SLC38A8: variants seen among roughly 807,000 people sequenced by gnomAD.
SLC38A8 encodes amino acid transporter SLC38A8.
SLC38A8 carries 65 observed loss-of-function variants against 46.0 expected under a neutral mutation model. The observed-to-expected ratio is 1.41, with a 90% CI of 1.16 to 1.74. The LOEUF (loss-of-function observed/expected upper bound fraction) is 1.74. Among genes scored for constraint, SLC38A8 ranks in the 40% most tolerant of loss-of-function variants. The pLI, the probability that SLC38A8 is intolerant of heterozygous loss-of-function variation, is 0.00. For synonymous variants in SLC38A8, 447 were observed against 243.7 expected, an observed-to-expected ratio of 1.83 and a Z score of -7.77; for missense variants, 998 against 567.9, an observed-to-expected ratio of 1.76 and a Z score of -7.70.
At chr16:84,042,380 C>G (rs902125015) in intron 1 of SLC38A8, among the ~76,000 whole-genome samples, 171 bp downstream of exon 1, 7 of 152,110 alleles carry the variant, frequency 4.6e-5, no homozygotes, top group Non-Finnish European at 7.4e-5. Context: ...TATTCTCACT[C>G]CTGCCCTCCC....
At chr16:84,014,916 T>G (rs989574352) in intron 9 of SLC38A8, among the ~76,000 whole-genome samples, 1 of 151,486 alleles carries the variant, frequency 6.6e-6, no homozygotes, top group African/African-American at 2.5e-5. Context: ...CACCACCCAC[T>G]TACCTGGGAC....
At chr16:84,033,296 G>T in intron 4 of SLC38A8, 32 bp downstream of exon 4, 2 of 1,613,496 alleles carry the variant, frequency 1.2e-6, no homozygotes, top group African/African-American at 1.3e-5. Context: ...AGCAAGGTGG[G>T]GGCCCCCACC....
At chr16:84,032,450 G>C (rs979920704) in intron 4 of SLC38A8, among the ~76,000 whole-genome samples, 2 of 152,256 alleles carry the variant, frequency 1.3e-5, no homozygotes, top group South Asian at 4.1e-4. Context: ...GCCTCCCAAA[G>C]TGCTGGAATT....
At position 84,012,789 on chromosome 16, in the gene SLC38A8, G is replaced by T. The variant is rs560480773; in HGVS notation, c.1214+212C>A. On this transcript the variant is annotated intron_variant, in intron 10 of 10. Coordinates refer to ENST00000299709, the MANE Select transcript of SLC38A8 (RefSeq NM_001080442.3). Reference sequence around the variant, plus strand: ...CACAGACCCTCAGAGTGGAAGGGAAGGCCCTTGGAGGACCCGGTGTTACTG... The same window carrying T: ...CACAGACCCTCAGAGTGGAAGGGAATGCCCTTGGAGGACCCGGTGTTACTG... Among the ~76,000 whole-genome samples, 9 of 152,324 alleles carry T rather than the reference G, an allele frequency of 5.9e-5. No homozygotes were observed. The South Asian group carries it at 1.2e-3, about 21-fold the overall frequency.
chr16:84,038,658 A>C (rs1390691194), intron 2 of SLC38A8, among the ~76,000 whole-genome samples: 1 of 152,224 alleles, frequency 6.6e-6, no homozygotes, highest in African/African-American at 2.4e-5. Flanking sequence ...CACATGTGCC[A>C]GCCAAACTGC....
chr16:84,018,104 C>G (rs1290466290), intron 7 of SLC38A8, among the ~76,000 whole-genome samples: 1 of 152,020 alleles, frequency 6.6e-6, no homozygotes, highest in Non-Finnish European at 1.5e-5. Context: ...GTTATGAAGG[C>G]TGAGAAGTCC....
chr16:84,025,824 G>A (rs997134201), intron 6 of SLC38A8, among the ~76,000 whole-genome samples: 15 of 152,232 alleles, frequency 9.9e-5, no homozygotes, highest in Admixed American at 6.5e-4. Flanking sequence ...CAGCCCTTCC[G>A]CTGGCGCGTT....
intron 9 of SLC38A8, among the ~76,000 whole-genome samples, chr16:84,015,704 G>A (rs1201765414): frequency 6.6e-6 from 1 of 152,110 alleles, no homozygotes; most frequent in Non-Finnish European, 1.5e-5. Context: ...CAGGGACTAG[G>A]TAATGGTTTG....
At chr16:84,019,689 G>A (rs911873447) in intron 7 of SLC38A8, among the ~76,000 whole-genome samples, 2 of 152,206 alleles carry the variant, frequency 1.3e-5, no homozygotes, top group African/African-American at 4.8e-5. Flanking sequence ...CACCAACTCA[G>A]AGGTCCAAAG....
chr16:84,017,992 A>T (rs1370358972), intron 7 of SLC38A8, among the ~76,000 whole-genome samples: 1 of 152,174 alleles, frequency 6.6e-6, no homozygotes, highest in African/African-American at 2.4e-5. Context: ...GTCACCCAGC[A>T]AGTTTCCTGG....
At chr16:84,018,716 C>A (rs2085060739) in intron 7 of SLC38A8, among the ~76,000 whole-genome samples, 1 of 152,154 alleles carries the variant, frequency 6.6e-6, no homozygotes, top group Admixed American at 6.5e-5. Context: ...TTTTCCTTGT[C>A]ATTGGGATCT....
At position 84,015,025 on chromosome 16, in the gene SLC38A8, C is replaced by T. The variant is rs16962531; in HGVS notation, c.1162+1494G>A. Among the ~76,000 whole-genome samples, 1,371 of 152,280 alleles carry T rather than the reference C, an allele frequency of 9.0e-3. 24 individuals carry two copies. The highest frequency in any genetic ancestry group is 0.031 in the African/African-American group (1,288 of 41,524). ...GTTAAGTTTCACCAATGGGCATCTA[C>T]TTCTTGTCTGTTTGACATAACGGCT... On this transcript the variant is annotated intron_variant, in intron 9 of 10. Coordinates refer to ENST00000299709, the MANE Select transcript of SLC38A8 (RefSeq NM_001080442.3).
intron 6 of SLC38A8, among the ~76,000 whole-genome samples, chr16:84,028,164 G>A (rs944049297): frequency 6.6e-5 from 10 of 151,990 alleles, no homozygotes; most frequent in Admixed American, 1.3e-4. Flanking sequence ...GCTGAGATCC[G>A]GTGGTAAACC....
chr16:84,012,404 A>G (rs1230975166), intron 10 of SLC38A8, among the ~76,000 whole-genome samples: 4 of 152,230 alleles, frequency 2.6e-5, no homozygotes, highest in African/African-American at 7.2e-5. Flanking sequence ...GATCCAAATT[A>G]TCTGGTCTCA....
chr16:84,028,427 C>CA (rs199809761), intron 6 of SLC38A8, among the ~76,000 whole-genome samples: 1,532 of 151,034 alleles, frequency 0.01, 24 homozygotes, highest in African/African-American at 0.035. Flanking sequence ...CTAAAAATAC[C>CA]AAAAAAAATT....
At chr16:84,027,788 C>T (rs1185085287) in intron 6 of SLC38A8, among the ~76,000 whole-genome samples, 1 of 152,184 alleles carries the variant, frequency 6.6e-6, no homozygotes, top group African/African-American at 2.4e-5. Context: ...GGGCTGGAGG[C>T]AAAGGTGAGG....
chr16:84,039,138 G>C (rs2085337502), intron 2 of SLC38A8, among the ~76,000 whole-genome samples: 1 of 152,156 alleles, frequency 6.6e-6, no homozygotes, highest in Non-Finnish European at 1.5e-5. Context: ...ATAAACCCAA[G>C]AAGCACCTGG....
chr16:84,041,966 T>C lies in SLC38A8; in HGVS notation c.189+3A>G. ...CCCCAGGACTCACTTCCCGGGGACT[T>C]ACCAGCTCCACCAGGAAGGCAGGGA... On this transcript the variant is annotated splice_donor_region_variant and intron_variant, in intron 2 of 10. Coordinates refer to ENST00000299709, the MANE Select transcript of SLC38A8 (RefSeq NM_001080442.3). 6.3e-7 allele frequency: 1 copy of C among 1,583,760 alleles called. No individual in the cohort carries two copies. The highest frequency in any genetic ancestry group is 8.6e-7 in the Non-Finnish European group (1 of 1,163,012).
intron 9 of SLC38A8, among the ~76,000 whole-genome samples, chr16:84,014,574 T>G (rs1195654781): frequency 1.3e-5 from 2 of 151,554 alleles, no homozygotes; most frequent in Non-Finnish European, 2.9e-5. Context: ...ACCCAGAACC[T>G]GAGGGAGGAG....
Sources: allele counts gnomAD v4.1 joint callset (sites outside exome capture counted in the v4.1 genomes callset), GRCh38; gene constraint gnomAD v4.1.1; transcripts MANE v1.5; gene names NCBI Gene and HGNC (gene_info 2026-07-23, HGNC 2026-07-21).